PCYT1A: variants seen among roughly 807,000 people sequenced by gnomAD.
PCYT1A encodes choline-phosphate cytidylyltransferase A.
In PCYT1A, 25 loss-of-function variants were observed where a neutral mutation model predicts 43.7. That is an observed-to-expected ratio of 0.57 (90% CI 0.42 to 0.80). The LOEUF is 0.80. Among genes scored for constraint, PCYT1A ranks in the 30% least tolerant of loss-of-function variants. The pLI, the probability that PCYT1A is intolerant of heterozygous loss-of-function variation, is 0.00. For missense variants in PCYT1A, 421 were observed against 474.2 expected, an observed-to-expected ratio of 0.89 and a Z score of 1.04; for synonymous variants, 172 against 170.7, an observed-to-expected ratio of 1.01 and a Z score of -0.06.
intron 1 of PCYT1A, among the ~76,000 whole-genome samples, chr3:196,281,332 A>G (rs1011601570): frequency 2.0e-5 from 3 of 152,178 alleles, no homozygotes; most frequent in Non-Finnish European, 4.4e-5. Context: ...ATTGCCCCCT[A>G]TGTAAAGGCC....
In PCYT1A at chr3:196,242,496, G is replaced by A. The variant is rs755189128; in HGVS notation, c.565+66C>T. On this transcript the variant is annotated intron_variant, in intron 6 of 8. Coordinates refer to ENST00000431016, the MANE Select transcript of PCYT1A (RefSeq NM_001312673.2). The surrounding 1 kb of genome is among the most constrained non-coding windows in gnomAD (Gnocchi z 4.2). ...TGTACACATTTTCCTCTGTAAAGCA[G>A]CAACATGGCTGAACATCTGCAGCTG... The A allele has an allele frequency of 9.5e-7, 1 of 1,049,134 alleles. No individual in the cohort carries two copies. Among genetic ancestry groups the A allele is most frequent in the South Asian group, 1.3e-5 (1 of 79,644 alleles). The allele number at this position is 1,049,134 out of a possible 1,614,324, so 65.0% of individuals were successfully genotyped here.
At chr3:196,243,951 G>A (rs374901437) in intron 5 of PCYT1A, among the ~76,000 whole-genome samples, 2 of 151,764 alleles carry the variant, frequency 1.3e-5, no homozygotes, top group Admixed American at 6.6e-5. Context: ...CTGCCCGGCC[G>A]CCACCCCGTC....
At chr3:196,280,026 G>C (rs2108782405) in intron 1 of PCYT1A, among the ~76,000 whole-genome samples, 1 of 151,852 alleles carries the variant, frequency 6.6e-6, no homozygotes, top group South Asian at 2.1e-4. Flanking sequence ...TAGAGATGGG[G>C]TTTCTCCATG....
chr3:196,238,352 C>T lies in PCYT1A; in HGVS notation c.*336G>A, dbSNP rs1340115867. 1 of 179,036 alleles carries T rather than the reference C, an allele frequency of 5.6e-6. No homozygotes were observed. The highest frequency in any genetic ancestry group is 1.2e-5 in the Non-Finnish European group (1 of 86,232). 11.1% of individuals were successfully genotyped at this position (179,036 alleles called of 1,614,324 possible). A position where few individuals can be genotyped will look rare whatever the true frequency, so the allele number is the denominator to read the frequency against. ...ACTCCTCAGGGGCAAAAAATTAGTT[C>T]TACATTTGAAAGACGAATTTTTTAA... On this transcript the variant is annotated 3_prime_UTR_variant, in exon 9 of 9. Transcript: ENST00000431016.
Position 196,242,674 on chromosome 3 carries a change from T to C in PCYT1A, c.487-34A>G. The C allele has an allele frequency of 1.4e-6, 2 of 1,392,356 alleles. No homozygotes were observed. Among genetic ancestry groups the C allele is most frequent in the Non-Finnish European group, 2.0e-6 (2 of 977,858 alleles). 86.3% of individuals were successfully genotyped at this position (1,392,356 alleles called of 1,614,324 possible). ...AAGGAAACATCATTAAAACCCATGA[T>C]AACTGCCATTCAGAAAGACCCAGTC... On this transcript the variant is annotated intron_variant, in intron 5 of 8. Coordinates refer to ENST00000431016, the MANE Select transcript of PCYT1A (RefSeq NM_001312673.2). This position sits in a 1 kb window ranked among gnomAD's most constrained non-coding sequence, Gnocchi z 4.2.
chr3:196,273,490 C>T lies in PCYT1A; in HGVS notation c.-10-2949G>A. The stretch of plus-strand genomic sequence containing the variant: ...TGAAGAGGTGCTTTATTGAGCAACA[C>T]AACAGCCCTCAGGAGACCCCAAGCG... On this transcript the variant is annotated intron_variant, in intron 1 of 8. Coordinates refer to ENST00000431016, the MANE Select transcript of PCYT1A (RefSeq NM_001312673.2). This position sits in a 1 kb window ranked among gnomAD's most constrained non-coding sequence, Gnocchi z 4.1. Among the ~76,000 whole-genome samples, 1 of 152,208 alleles carries T rather than the reference C, an allele frequency of 6.6e-6. No homozygotes were observed. The highest frequency in any genetic ancestry group is 1.9e-4 in the East Asian group (1 of 5,200).
At chr3:196,260,381 G>A (rs192386283) in intron 2 of PCYT1A, among the ~76,000 whole-genome samples, 200 of 152,248 alleles carry the variant, frequency 1.3e-3, no homozygotes, top group African/African-American at 3.5e-3. Flanking sequence ...AAACAGTCTT[G>A]GTAAGGATGT....
intron 3 of PCYT1A, among the ~76,000 whole-genome samples, chr3:196,254,087 C>T (rs971614992): frequency 8.7e-5 from 13 of 150,070 alleles, no homozygotes; most frequent in African/African-American, 1.2e-4. Flanking sequence ...AGTGCAGTGA[C>T]GTGACCTAGG....
chr3:196,248,279 A>G lies in PCYT1A; in HGVS notation c.262T>C (p.Phe88Leu), dbSNP rs1724632730. The G allele has an allele frequency of 6.2e-7, 1 of 1,613,428 alleles. No homozygotes were observed. Among genetic ancestry groups the G allele is most frequent in the East Asian group, 2.2e-5 (1 of 44,888 alleles). The change falls in exon 4 of 9, where the codon TTT becomes CTT. Residue 88 changes from phenylalanine (F) to leucine (L), a missense_variant. By Grantham distance (22) the Phe-to-Leu change is conservative. Coordinates refer to ENST00000431016, the MANE Select transcript of PCYT1A (RefSeq NM_001312673.2). ...RVYADGIFDL[F>L]HSGHARALMQ... ...AGAGCTCGGGCGTGACCAGAGTGAA[A>G]TAAGTCAAATATTCCATCGGCATAA...
rs1560167293 is a variant in PCYT1A at position 196,252,102 on chromosome 3, A to AGACTACAGCGCACCCCGCCACGCCCCGCT, written c.218-3780_218-3779insAGCGGGGCGTGGCGGGGTGCGCTGTAGTC. Among the ~76,000 whole-genome samples, 39 of 146,526 alleles carry AGACTACAGCGCACCCCGCCACGCCCCGCT rather than the reference A, an allele frequency of 2.7e-4. 2 individuals carry two copies. The South Asian group carries it at 7.9e-3, about 30-fold the overall frequency. On this transcript the variant is annotated intron_variant, in intron 3 of 8. Coordinates refer to ENST00000431016, the MANE Select transcript of PCYT1A (RefSeq NM_001312673.2). This position sits in a 1 kb window ranked among gnomAD's most constrained non-coding sequence, Gnocchi z 4.0. ...TACAGCGCACCCCGCCACGCCCCGC[A>AGACTACAGCGCACCCCGCCACGCCCCGCT]GACTACAGCGCACCCCGCCACGCCC...
intron 7 of PCYT1A, chr3:196,241,733 G>A: frequency 1.5e-6 from 2 of 1,336,168 alleles, no homozygotes; most frequent in South Asian, 1.3e-5. Context: ...TTAGTTGGCT[G>A]TATGGCTTTA....
At chr3:196,269,932 G>A (rs1450712478) in intron 2 of PCYT1A, among the ~76,000 whole-genome samples, 1 of 152,078 alleles carries the variant, frequency 6.6e-6, no homozygotes, top group African/African-American at 2.4e-5. Context: ...GGAATGCAAT[G>A]GTGCAATCTC....
Position 196,235,845 on chromosome 3 carries a change from G to A in PCYT1A, c.*2843C>T, listed in dbSNP as rs879876309. 3 of 152,250 alleles carry A rather than the reference G, an allele frequency of 2.0e-5. No individual in the cohort carries two copies. Among genetic ancestry groups the A allele is most frequent in the Non-Finnish European group, 4.4e-5 (3 of 68,076 alleles). The allele number at this position is 152,250 out of a possible 1,614,324, so 9.4% of individuals were successfully genotyped here. ...CACACCTCTAACCTCATTTAATTAG[G>A]CACAGATGACCACATTATGCAACTT... On this transcript the variant is annotated 3_prime_UTR_variant, in exon 9 of 9. Transcript: ENST00000431016. This position sits in a 1 kb window ranked among gnomAD's most constrained non-coding sequence, Gnocchi z 4.3.
At chr3:196,285,159 C>T (rs1725872212) in intron 1 of PCYT1A, among the ~76,000 whole-genome samples, 2 of 152,092 alleles carry the variant, frequency 1.3e-5, no homozygotes, top group African/African-American at 4.8e-5. Flanking sequence ...TCAATAGCAC[C>T]TTCTAAAAAG....
At chr3:196,241,011 TGGCTGGATAC>T (rs1477446845) in intron 7 of PCYT1A, 1 of 152,024 alleles carries the variant, frequency 6.6e-6, no homozygotes, top group East Asian at 1.9e-4. Flanking sequence ...TGTATAGTGT[TGGCTGGATAC>T]GGTGGCTCAT....
chr3:196,266,170 G>T (rs1023666079), intron 2 of PCYT1A, among the ~76,000 whole-genome samples: 1 of 151,722 alleles, frequency 6.6e-6, no homozygotes, highest in East Asian at 2.0e-4. Flanking sequence ...CCATACTAGC[G>T]CATTGTAAAT....
chr3:196,283,887 T>C (rs371012572), intron 1 of PCYT1A, among the ~76,000 whole-genome samples: 49 of 152,270 alleles, frequency 3.2e-4, no homozygotes, highest in African/African-American at 1.0e-3. Context: ...ATGTCAAAGA[T>C]GTACAAGCAG....
chr3:196,243,044 A>G (rs1473580247), intron 5 of PCYT1A: 1 of 199,336 alleles, frequency 5.0e-6, no homozygotes, highest in Non-Finnish European at 1.0e-5. Context: ...AAGTATGAGA[A>G]AGGCCAGGCA....
chr3:196,245,626 A>T (rs139972780), intron 5 of PCYT1A, among the ~76,000 whole-genome samples: 42 of 152,236 alleles, frequency 2.8e-4, no homozygotes, highest in African/African-American at 1.0e-3. Context: ...AAGCATGTTC[A>T]TTGGGACTAT....
Sources: gnomAD v4.1 joint callset for allele counts (sites outside exome capture counted in the v4.1 genomes callset) on GRCh38, gnomAD v4.1.1 for gene constraint, Gnocchi (gnomAD v3.1) non-coding constraint, MANE v1.5 for transcripts, NCBI Gene and HGNC (gene_info 2026-07-23, HGNC 2026-07-21) for gene names.